Variants in STARD13 observed in about 807,000 individuals in gnomAD.
STARD13 encodes the protein StAR related lipid transfer domain containing 13, also known as stAR-related lipid transfer protein 13.
STARD13 carries 62 observed loss-of-function variants against 106.4 expected under a neutral mutation model. The observed-to-expected ratio is 0.58, with a 90% CI of 0.48 to 0.72. The LOEUF is 0.72. Among genes scored for constraint, STARD13 ranks in the 30% least tolerant of loss-of-function variants. The pLI, the probability that STARD13 is intolerant of heterozygous loss-of-function variation, is 0.00. For synonymous variants in STARD13, 565 were observed against 553.0 expected, an observed-to-expected ratio of 1.02 and a Z score of -0.31; for missense variants, 1,387 against 1,424.0, an observed-to-expected ratio of 0.97 and a Z score of 0.42.
the STARD13 span, among the ~76,000 whole-genome samples, chr13:33,391,957 T>C: frequency 6.6e-6 from 1 of 152,184 alleles, no homozygotes; most frequent in East Asian, 1.9e-4. Context: ...CGTGATATAA[T>C]ATCCTAGAAT....
At chr13:33,440,159 G>A in the STARD13 span, among the ~76,000 whole-genome samples, 3 of 151,862 alleles carry the variant, frequency 2.0e-5, no homozygotes, top group South Asian at 2.1e-4. Context: ...TGTGCCTGTA[G>A]TCTCAGCTAC....
At chr13:33,159,649 G>A (rs1882393665) in intron 3 of STARD13, among the ~76,000 whole-genome samples, 1 of 152,200 alleles carries the variant, frequency 6.6e-6, no homozygotes, top group Admixed American at 6.5e-5. Context: ...GAACTCATGA[G>A]TGAGTTTTAG....
the STARD13 span, among the ~76,000 whole-genome samples, chr13:33,560,798 C>T: frequency 1.3e-5 from 2 of 151,588 alleles, no homozygotes; most frequent in East Asian, 3.9e-4. Context: ...TTTGGTTAAA[C>T]TGAAAGGATT....
the STARD13 span, among the ~76,000 whole-genome samples, chr13:33,498,736 T>A: frequency 6.6e-6 from 1 of 152,210 alleles, no homozygotes; most frequent in Non-Finnish European, 1.5e-5. Flanking sequence ...ATGATCCAAG[T>A]TATAAAATAG....
chr13:33,424,121 G>T, the STARD13 span, among the ~76,000 whole-genome samples: 1 of 151,158 alleles, frequency 6.6e-6, no homozygotes, highest in Non-Finnish European at 1.5e-5. Context: ...ACAAAAATCT[G>T]TAACAAAAAA....
At chr13:33,249,592 A>T (rs9597054) in intron 1 of STARD13, among the ~76,000 whole-genome samples, 60,773 of 151,994 alleles carry the variant, frequency 0.4, 12,462 homozygotes, top group Admixed American at 0.46. Flanking sequence ...TGCAGATATT[A>T]GTATACCATT....
At chr13:33,252,173 G>T (rs903681947) in intron 1 of STARD13, among the ~76,000 whole-genome samples, 3 of 152,144 alleles carry the variant, frequency 2.0e-5, no homozygotes, top group African/African-American at 7.2e-5. Context: ...ATCCAAAATT[G>T]TGAGCAGCTT....
chr13:33,247,080 C>G (rs1889859517), intron 1 of STARD13, among the ~76,000 whole-genome samples: 1 of 152,054 alleles, frequency 6.6e-6, no homozygotes, highest in African/African-American at 2.4e-5. Context: ...GCCTGTAGTC[C>G]TAGCTACTTG....
chr13:33,360,147 TG>T, the STARD13 span, among the ~76,000 whole-genome samples: 3 of 152,162 alleles, frequency 2.0e-5, no homozygotes, highest in South Asian at 2.1e-4. Flanking sequence ...GTTTTAAAAA[TG>T]GGGGAGCCTC....
the STARD13 span, chr13:33,659,924 C>T: frequency 2.0e-5 from 3 of 152,146 alleles, no homozygotes; most frequent in Admixed American, 2.0e-4. Context: ...GGATTTAAAT[C>T]TTGATTACTC....
chr13:33,341,902 G>T (rs1351983797), intron 1 of STARD13, among the ~76,000 whole-genome samples: 2 of 151,758 alleles, frequency 1.3e-5, no homozygotes, highest in African/African-American at 2.4e-5. Context: ...TGATTCCCCT[G>T]CCTCAGCCTC....
chr13:33,118,340 C>A (rs1875723844), intron 7 of STARD13, 77 bp from the exon 8 acceptor site: 31 of 1,243,846 alleles, frequency 2.5e-5, no homozygotes, highest in Non-Finnish European at 3.2e-5. Context: ...GGGAAGGGAA[C>A]TGGATGAGCT....
the STARD13 span, among the ~76,000 whole-genome samples, chr13:33,663,644 G>A: frequency 4.6e-5 from 7 of 152,150 alleles, no homozygotes; most frequent in African/African-American, 1.7e-4. Flanking sequence ...TCTAATAAGG[G>A]AGTATGACTA....
At chr13:33,638,743 G>A in the STARD13 span, among the ~76,000 whole-genome samples, 4 of 152,184 alleles carry the variant, frequency 2.6e-5, no homozygotes, top group Non-Finnish European at 2.9e-5. Flanking sequence ...CCCGCACTTC[G>A]CAGTACGTCC....
chr13:33,265,973 G>A (rs773919961), intron 1 of STARD13, among the ~76,000 whole-genome samples: 6 of 152,122 alleles, frequency 3.9e-5, no homozygotes, highest in Non-Finnish European at 8.8e-5. Flanking sequence ...TGTCCATCCC[G>A]AAAAGTTATG....
At chr13:33,595,586 A>C in the STARD13 span, among the ~76,000 whole-genome samples, 7 of 152,318 alleles carry the variant, frequency 4.6e-5, no homozygotes, top group Non-Finnish European at 7.4e-5. Flanking sequence ...TAAAGTGAAA[A>C]TCTTCAATCT....
the STARD13 span, among the ~76,000 whole-genome samples, chr13:33,654,261 A>G: frequency 1.3e-5 from 2 of 152,272 alleles, no homozygotes; most frequent in Non-Finnish European, 2.9e-5. Flanking sequence ...TGAATTGACA[A>G]ATAGAATTAA....
the STARD13 span, among the ~76,000 whole-genome samples, chr13:33,363,128 C>T: frequency 6.6e-6 from 1 of 152,224 alleles, no homozygotes; most frequent in East Asian, 1.9e-4. Context: ...ACCTTTATCT[C>T]AGTTTCTATA....
intron 1 of STARD13, chr13:33,335,084 TC>T: frequency 6.6e-6 from 1 of 152,386 alleles, no homozygotes; most frequent in Non-Finnish European, 1.5e-5. Context: ...TGGACTCAAA[TC>T]CCCCCTGCCA....
Sources: allele counts gnomAD v4.1 joint callset (sites outside exome capture counted in the v4.1 genomes callset), GRCh38; gene constraint gnomAD v4.1.1; transcripts MANE v1.5; gene names NCBI Gene and HGNC (gene_info 2026-07-23, HGNC 2026-07-21).